The following SCUBE2 variants were observed in gnomAD, a reference collection of about 807,000 sequenced individuals.
SCUBE2 encodes the protein signal peptide, CUB and EGF-like domain-containing protein 2.
A neutral mutation model predicts 125.9 loss-of-function variants in SCUBE2; 114 were observed. The ratio of observed to expected loss-of-function variants is 0.91; its 90% CI spans 0.78 to 1.06. SCUBE2 has a LOEUF of 1.06. Among genes scored for constraint, SCUBE2 ranks in the 50% least tolerant of loss-of-function variants. The probability of loss-of-function intolerance (pLI) is 0.00; values close to 1 mark genes in which losing one functional copy is unlikely to be tolerated. For missense variants in SCUBE2, 1,255 were observed against 1,301.8 expected (o/e 0.96, Z 0.55); for synonymous variants, 459 against 492.9 (o/e 0.93, Z 0.91).
chr11:9,054,758 G>A (rs1170185507), intron 10 of SCUBE2, among the ~76,000 whole-genome samples: 1 of 68,860 alleles, frequency 1.5e-5, no homozygotes, highest in Non-Finnish European at 2.7e-5. Context: ...TTTTTCAGGT[G>A]GAGTTTCGCT....
chr11:9,056,508 G>A (rs1178979408), intron 9 of SCUBE2, among the ~76,000 whole-genome samples: 1 of 152,192 alleles, frequency 6.6e-6, no homozygotes, highest in Non-Finnish European at 1.5e-5. Flanking sequence ...GCCCTGAAAT[G>A]TGGTAGTTCA....
Position 9,059,405 on chromosome 11 carries a change from G to C in SCUBE2, c.988C>G (p.Arg330Gly), listed in dbSNP as rs780979292. 2 of 1,614,142 alleles carry C rather than the reference G, an allele frequency of 1.2e-6. No homozygotes were observed. The highest frequency in any genetic ancestry group is 8.5e-7 in the Non-Finnish European group (1 of 1,180,014). Reference sequence around the variant, plus strand: ...CAGAAATGATCACAACCTCCATTGCGGGTCTGGCACTCATCAATATCTGCA... The same window carrying C: ...CAGAAATGATCACAACCTCCATTGCCGGTCTGGCACTCATCAATATCTGCA... Reference protein sequence around the residue: ...TCKDIDECQTRNGGCDHFCKN... With the variant: ...TCKDIDECQTGNGGCDHFCKN... Residue 330 changes from arginine (R) to glycine (G), a missense_variant, in exon 9 of 23, where the codon CGC (arginine) becomes GGC (glycine). Physicochemically the swap from Arg to Gly is moderately radical, Grantham distance 125. Around this residue, in one of 3 missense-constraint regions of SCUBE2, gnomAD observed 378 missense variants for 463.1 expected, o/e 0.82. Transcript: ENST00000649792.
intron 2 of SCUBE2, among the ~76,000 whole-genome samples, chr11:9,080,587 C>T (rs530309368): frequency 5.3e-5 from 8 of 150,936 alleles, no homozygotes; most frequent in African/African-American, 1.2e-4. Context: ...ACATTGAGAC[C>T]GCAGTGAGCC....
chr11:9,089,313 C>G (rs1477883203), intron 2 of SCUBE2, among the ~76,000 whole-genome samples: 2 of 152,210 alleles, frequency 1.3e-5, no homozygotes, highest in Admixed American at 1.3e-4. Flanking sequence ...GACTCTCTAG[C>G]ACTCAGACTT....
chr11:9,088,316 C>T (rs1300036932), intron 2 of SCUBE2, among the ~76,000 whole-genome samples: 9 of 152,162 alleles, frequency 5.9e-5, no homozygotes, highest in Non-Finnish European at 1.2e-4. Flanking sequence ...GGTGAAACCC[C>T]GTCTGTCCTA....
chr11:9,090,925 G>A (rs1299418495), intron 1 of SCUBE2, among the ~76,000 whole-genome samples: 3 of 152,146 alleles, frequency 2.0e-5, no homozygotes, highest in African/African-American at 7.2e-5. Flanking sequence ...CGGAACAGGC[G>A]CTGTTCCGCT....
chr11:9,026,036 T>C, intron 20 of SCUBE2, 182 bp from the exon 21 acceptor site: 1 of 614,198 alleles, frequency 1.6e-6, no homozygotes, highest in South Asian at 2.2e-5. Flanking sequence ...CTGGTAATTG[T>C]GGACCCCCAG....
chr11:9,089,813 G>A lies in SCUBE2; in HGVS notation c.150C>T (p.Ala50=). ...AGPQEDVDEC[A]QGLDDCHADA... is the part of the protein sequence containing the mutation. ...CGGCATGGCAGTCATCTAGCCCTTGGGCACACTCATCTACATCTGCAAAAG... is the reference window on the plus strand; with the variant it reads ...CGGCATGGCAGTCATCTAGCCCTTGAGCACACTCATCTACATCTGCAAAAG... Residue 50 remains alanine, a synonymous_variant, in exon 2 of 23, where the codon GCC becomes GCT. Coordinates refer to ENST00000649792, the MANE Select transcript of SCUBE2 (RefSeq NM_001367977.2). 3 of 1,613,750 alleles carry A rather than the reference G, an allele frequency of 1.9e-6. No individual in the cohort carries two copies. Among genetic ancestry groups the A allele is most frequent in the Non-Finnish European group, 2.5e-6 (3 of 1,179,830 alleles).
intron 20 of SCUBE2, 62 bp downstream of exon 20, chr11:9,027,302 G>A: frequency 6.5e-7 from 1 of 1,531,266 alleles, no homozygotes; most frequent in Non-Finnish European, 9.0e-7. Context: ...TTGAAAGCCT[G>A]AGGAGCAGGT....
chr11:9,062,844 G>A (rs1859814688), intron 7 of SCUBE2, among the ~76,000 whole-genome samples: 1 of 145,908 alleles, frequency 6.9e-6, no homozygotes, highest in Admixed American at 6.8e-5. Flanking sequence ...AAATACAAGG[G>A]AGAGAAAAGA....
Position 9,044,310 on chromosome 11 carries a change from T to TG in SCUBE2, c.2002+3045dup, listed in dbSNP as rs565204306. 1.9e-3 allele frequency among the ~76,000 whole-genome samples: 294 copies of TG among 152,280 alleles called. 2 individuals carry two copies. The highest frequency in any genetic ancestry group is 6.8e-3 in the African/African-American group (283 of 41,564). ...GTCTGCCACCCAGGCTGCAGTGCAGTGACACAATCATAGCTCACTGCAGCC... is the reference window on the plus strand; with the variant it reads ...GTCTGCCACCCAGGCTGCAGTGCAGTGGACACAATCATAGCTCACTGCAGCC... On this transcript the variant is annotated intron_variant, in intron 16 of 22. Coordinates refer to ENST00000649792, the MANE Select transcript of SCUBE2 (RefSeq NM_001367977.2).
intron 19 of SCUBE2, among the ~76,000 whole-genome samples, chr11:9,028,445 A>T (rs1448671611): frequency 6.6e-6 from 1 of 152,206 alleles, no homozygotes; most frequent in Non-Finnish European, 1.5e-5. Flanking sequence ...ACATGTGCAC[A>T]TGCTTGCACA....
intron 14 of SCUBE2, among the ~76,000 whole-genome samples, chr11:9,049,619 T>C (rs768819758): frequency 6.6e-6 from 1 of 152,180 alleles, no homozygotes; most frequent in African/African-American, 2.4e-5. Flanking sequence ...CTATGGTTAA[T>C]TTGGCAAATG....
chr11:9,066,031 C>T, intron 6 of SCUBE2, 51 bp from the exon 7 acceptor site: 1 of 1,280,626 alleles, frequency 7.8e-7, no homozygotes, highest in Non-Finnish European at 1.1e-6. Context: ...AGTTAGATTG[C>T]TCATCCCCAT....
Position 9,030,815 on chromosome 11 carries a change from C to G in SCUBE2, c.2284G>C (p.Gly762Arg), listed in dbSNP as rs1276822727. ...AGRTSCFPCG[G>R]GLATKHQGAT... is the part of the protein sequence containing the mutation. ...CCCTGATGTTTGGTGGCAAGGCCTC[C>G]TCCACAGGGGAAGCAGGAAGTTCGA... Residue 762 changes from glycine to arginine, a missense_variant, in exon 18 of 23, where the codon GGA becomes CGA. Transcript: ENST00000649792. 6.2e-7 allele frequency: 1 copy of G among 1,614,224 alleles called. No individual in the cohort carries two copies. The highest frequency in any genetic ancestry group is 8.5e-7 in the Non-Finnish European group (1 of 1,180,026).
chr11:9,024,401 T>C (rs1210880633), intron 21 of SCUBE2: 1 of 1,288,818 alleles, frequency 7.8e-7, no homozygotes, highest in South Asian at 1.2e-5. Context: ...TTGTTTGACA[T>C]TATTTCAGGC....
intron 9 of SCUBE2, 69 bp from the exon 10 acceptor site, chr11:9,055,978 T>C: frequency 8.3e-7 from 1 of 1,206,172 alleles, no homozygotes. Flanking sequence ...AGGTTTATGA[T>C]AAATACCAGT....
chr11:9,074,332 G>T, intron 4 of SCUBE2, 149 bp downstream of exon 4: 1 of 932,322 alleles, frequency 1.1e-6, no homozygotes, highest in Non-Finnish European at 1.5e-6. Context: ...CTTGCCCACG[G>T]TTACCCGGCA....
At chr11:9,046,008 T>C (rs1050629984) in intron 16 of SCUBE2, among the ~76,000 whole-genome samples, 4 of 144,490 alleles carry the variant, frequency 2.8e-5, no homozygotes, top group Non-Finnish European at 6.1e-5. Flanking sequence ...TTTCTTTTTT[T>C]TTTTTTTTTT....
Sources: allele counts gnomAD v4.1 joint callset (sites outside exome capture counted in the v4.1 genomes callset), GRCh38; gene constraint gnomAD v4.1.1; regional missense constraint gnomAD v4.1.1; transcripts MANE v1.5; gene names NCBI Gene and HGNC (gene_info 2026-07-23, HGNC 2026-07-21).